A2ML1: variants seen among roughly 807,000 people sequenced by gnomAD.
A2ML1 encodes alpha-2-macroglobulin-like protein 1.
In A2ML1, 161 loss-of-function variants were observed where a neutral mutation model predicts 181.9. The ratio of observed to expected loss-of-function variants is 0.89; its 90% CI spans 0.78 to 1.01. The LOEUF is 1.01. A2ML1 is among the 50% of genes least tolerant of loss of function. The pLI is 0.00. For synonymous variants in A2ML1, 663 were observed against 666.8 expected (o/e 0.99, Z 0.09); for missense variants, 1,670 against 1,768.1 (o/e 0.94, Z 1.00).
rs1290439985 is a variant in A2ML1, at chr12:8,852,963, T to C, written c.2590+627T>C. On this transcript the variant is annotated intron_variant, in intron 20 of 35. Transcript: ENST00000299698. This position sits in a 1 kb window ranked among gnomAD's most constrained non-coding sequence, Gnocchi z 4.2. ...TGCCTGCCTCGGCCTCCCAAAGTGC[T>C]GGGATTACAGGCGTGAGCCGCTGCG... Among the ~76,000 whole-genome samples, 1 of 152,238 alleles carries C rather than the reference T, an allele frequency of 6.6e-6. No homozygotes were observed. Among genetic ancestry groups the C allele is most frequent in the Non-Finnish European group, 1.5e-5 (1 of 68,046 alleles).
rs746960070 is a variant in A2ML1 at position 8,852,333 on chromosome 12, T to C, written c.2587T>C (p.Leu863=). The C allele has an allele frequency of 2.4e-5, 39 of 1,613,954 alleles. No homozygotes were observed. Among genetic ancestry groups the C allele is most frequent in the Non-Finnish European group, 3.2e-5 (38 of 1,179,942 alleles). Residue 863 remains leucine (L), a synonymous_variant, in exon 20 of 36, where the codon TTG becomes CTG. Transcript: ENST00000299698. The surrounding 1 kb of genome is among the most constrained non-coding windows in gnomAD (Gnocchi z 4.2). ...CCACTGGAACATCACAGCTGTCAAA[T>C]TGGGTAAGAGAGGGAAGTGGTAGAC... The part of the protein sequence containing the change: ...THHWNITAVK[L]GHINFTISTK...
chr12:8,831,354 C>G (rs1259228082), intron 4 of A2ML1, among the ~76,000 whole-genome samples: 50 of 152,188 alleles, frequency 3.3e-4, no homozygotes, highest in Non-Finnish European at 8.8e-5. Flanking sequence ...CTCACTTACC[C>G]TCAGGGTTGA....
chr12:8,886,284 CTTAAGTA>C (rs1471380527), intron 7 of A2ML1, among the ~76,000 whole-genome samples: 7 of 152,120 alleles, frequency 4.6e-5, no homozygotes, highest in African/African-American at 9.7e-5. Flanking sequence ...TGCTCTATCC[CTTAAGTA>C]TTAAGTCCAT....
chr12:8,868,896 A>G (rs972630710), intron 32 of A2ML1, among the ~76,000 whole-genome samples: 1 of 152,120 alleles, frequency 6.6e-6, no homozygotes, highest in Non-Finnish European at 1.5e-5. Context: ...ATGTGCATGT[A>G]TGTACATATA....
intron 4 of A2ML1, 123 bp from the exon 5 acceptor site, chr12:8,834,539 G>T: frequency 5.0e-6 from 6 of 1,210,584 alleles, no homozygotes; most frequent in Non-Finnish European, 7.1e-6. Context: ...CATTTAGAAA[G>T]GAAGAAATGA....
In A2ML1 at chr12:8,823,382, C is replaced by T. The variant is rs370012102; in HGVS notation, c.246+17C>T. ...TCCTTTCTTGTAAGCACAGACTCAG[C>T]CCTCACTCGAATCCCTTACTTGCCT... On this transcript the variant is annotated intron_variant, in intron 2 of 35. Coordinates refer to ENST00000299698, the MANE Select transcript of A2ML1 (RefSeq NM_144670.6). 1 of 1,604,994 alleles carries T rather than the reference C, an allele frequency of 6.2e-7. No individual in the cohort carries two copies. The highest frequency in any genetic ancestry group is 8.5e-7 in the Non-Finnish European group (1 of 1,175,036).
chr12:8,868,772 G>A (rs1944520515), intron 32 of A2ML1, 145 bp downstream of exon 32: 1 of 645,282 alleles, frequency 1.5e-6, no homozygotes, highest in Non-Finnish European at 2.7e-6. Context: ...GTATGTATAT[G>A]TATGTACACT....
At chr12:8,874,331 TA>T (rs1944729011) in intron 33 of A2ML1, 93 bp from the exon 34 acceptor site, 1 of 1,026,618 alleles carries the variant, frequency 9.7e-7, no homozygotes, top group African/African-American at 1.6e-5. Context: ...TCAGAAAATC[TA>T]CATGAAGACA....
At chr12:8,845,305 G>A (rs1943630511) in intron 12 of A2ML1, 137 bp from the exon 13 acceptor site, 1 of 1,405,068 alleles carries the variant, frequency 7.1e-7, no homozygotes, top group African/African-American at 1.4e-5. Context: ...AGTGGATGCT[G>A]GGTGAGGTAT....
rs1383918198 is a variant in A2ML1 at position 8,876,682 on chromosome 12, T to A, written c.*626T>A. 1.3e-5 allele frequency: 2 copies of A among 151,784 alleles called. No individual in the cohort carries two copies. The highest frequency in any genetic ancestry group is 2.4e-5 in the African/African-American group (1 of 41,330). 9.4% of individuals were successfully genotyped at this position (151,784 alleles called of 1,614,324 possible). ...GGCAAGACCCTGTCTCAAAAAATAA[T>A]AAATAATAATAATAATAATGTTTTT... On this transcript the variant is annotated 3_prime_UTR_variant, in exon 36 of 36. Transcript: ENST00000299698.
At chr12:8,834,535 GA>G (rs1469056699) in intron 4 of A2ML1, 126 bp from the exon 5 acceptor site, 2 of 1,180,360 alleles carry the variant, frequency 1.7e-6, no homozygotes, top group Non-Finnish European at 2.4e-6. Flanking sequence ...GAGCCATTTA[GA>G]AAGGAAGAAA....
In A2ML1 at chr12:8,848,476, G is replaced by A. The variant is rs754499945; in HGVS notation, c.1834-244G>A. Among the ~76,000 whole-genome samples, 24 of 151,176 alleles carry A rather than the reference G, an allele frequency of 1.6e-4. 1 individual carries two copies. The highest frequency in any genetic ancestry group is 3.9e-4 in the African/African-American group (16 of 41,130). ...AATCTGGGCGACAGAGCAAGACTCC[G>A]TCTCAAAAAAAAAACAAGAAAGAGA... On this transcript the variant is annotated intron_variant, in intron 15 of 35. Transcript: ENST00000299698.
At chr12:8,860,549 G>A (rs369623386) in intron 26 of A2ML1, among the ~76,000 whole-genome samples, 4 of 152,076 alleles carry the variant, frequency 2.6e-5, no homozygotes, top group Admixed American at 1.3e-4. Flanking sequence ...GCGGTGATGC[G>A]GCAGATTCTC....
rs1944050579 is a variant in A2ML1 at position 8,855,981 on chromosome 12, GC to G, written c.2848+390del. Among the ~76,000 whole-genome samples, 3 of 152,168 alleles carry G rather than the reference GC, an allele frequency of 2.0e-5. No individual in the cohort carries two copies. In the South Asian group the frequency reaches 6.2e-4, roughly 32 times the overall value. Reference sequence around the variant, plus strand: ...ATAGGCAGCACACTTACTGTTTGGGGCAAGGGAGGAAGTGGGTTGAAAAGCA... The same window carrying G: ...ATAGGCAGCACACTTACTGTTTGGGGAAGGGAGGAAGTGGGTTGAAAAGCA... On this transcript the variant is annotated intron_variant, in intron 23 of 35. Transcript: ENST00000299698.
intron 3 of A2ML1, among the ~76,000 whole-genome samples, chr12:8,826,537 T>C (rs1942934795): frequency 6.6e-6 from 1 of 152,170 alleles, no homozygotes; most frequent in Non-Finnish European, 1.5e-5. Flanking sequence ...AACCTCTGCC[T>C]CCTGGGTTCA....
At position 8,840,743 on chromosome 12, in the gene A2ML1, G is replaced by A. The variant is rs929379219; in HGVS notation, c.1081-626G>A. 4.0e-5 allele frequency among the ~76,000 whole-genome samples: 6 copies of A among 151,834 alleles called. No homozygotes were observed. In the South Asian group the frequency reaches 1.0e-3, roughly 26 times the overall value. On this transcript the variant is annotated intron_variant, in intron 10 of 35. Transcript: ENST00000299698. ...ACCAACATGGTGAAAACCCGTCCCT[G>A]CTAAAAATACAAAAATTAGCCAGGT...
chr12:8,833,541 C>G (rs963572687), intron 4 of A2ML1, among the ~76,000 whole-genome samples: 1 of 151,808 alleles, frequency 6.6e-6, no homozygotes, highest in African/African-American at 2.4e-5. Flanking sequence ...GGGTTACAGG[C>G]ATGTGCCACC....
At position 8,857,225 on chromosome 12, in the gene A2ML1, T is replaced by A; in HGVS notation, c.2910T>A (p.Cys970Ter). The A allele has an allele frequency of 6.2e-7, 1 of 1,613,128 alleles. No homozygotes were observed. The highest frequency in any genetic ancestry group is 1.1e-5 in the South Asian group (1 of 91,040). Reference sequence around the variant, plus strand: ...GTCTGGTGCAGATGCCCAGTGGCTGTGGCGAGCAGAACATGGTCTTGTTTG... The same window carrying A: ...GTCTGGTGCAGATGCCCAGTGGCTGAGGCGAGCAGAACATGGTCTTGTTTG... The part of the protein sequence containing the change: ...LDGLVQMPSG[C>*]GEQNMVLFAP... The change falls in exon 24 of 36, where the codon TGT (cysteine) becomes TGA (stop). Residue 970 changes from cysteine (C) to a stop codon, truncating the protein, a stop_gained. Transcript: ENST00000299698. LOFTEE classifies it high-confidence loss of function.
chr12:8,865,385 C>T (rs1944390983), intron 29 of A2ML1, among the ~76,000 whole-genome samples: 4 of 151,990 alleles, frequency 2.6e-5, no homozygotes, highest in Admixed American at 2.6e-4. Flanking sequence ...ACTAAAAATA[C>T]AAAATTAGCC....
Sources: allele counts gnomAD v4.1 joint callset (sites outside exome capture counted in the v4.1 genomes callset), GRCh38; gene constraint gnomAD v4.1.1; non-coding constraint Gnocchi (gnomAD v3.1); transcripts MANE v1.5; gene names NCBI Gene and HGNC (gene_info 2026-07-23, HGNC 2026-07-21).